The following PBX1 variants were observed in gnomAD, a reference collection of about 807,000 sequenced individuals.
PBX1 encodes the protein PBX homeobox 1.
In PBX1, 6 loss-of-function variants were observed where a neutral mutation model predicts 53.4. The observed-to-expected ratio is 0.11, with a 90% CI of 0.06 to 0.22. PBX1 has a LOEUF of 0.22. Among genes scored for constraint, PBX1 ranks in the 10% least tolerant of loss-of-function variants. The pLI is 1.00. For missense variants in PBX1, 251 were observed against 551.4 expected, an observed-to-expected ratio of 0.46 and a Z score of 5.46; for synonymous variants, 204 against 212.3, an observed-to-expected ratio of 0.96 and a Z score of 0.34.
chr1:164,617,392 G>T (rs887540075), intron 2 of PBX1, among the ~76,000 whole-genome samples: 2 of 152,228 alleles, frequency 1.3e-5, no homozygotes, highest in Non-Finnish European at 2.9e-5. Context: ...ATGGATGGTG[G>T]TTCAGTAATG....
At chr1:164,607,884 C>T (rs1656664947) in intron 2 of PBX1, among the ~76,000 whole-genome samples, 1 of 152,196 alleles carries the variant, frequency 6.6e-6, no homozygotes, top group East Asian at 1.9e-4. Context: ...CAGCCTTCCT[C>T]TGGGCTCTTA....
At chr1:164,683,444 A>T (rs1364534797) in intron 2 of PBX1, 1 of 152,196 alleles carries the variant, frequency 6.6e-6, no homozygotes, top group Non-Finnish European at 1.5e-5. Flanking sequence ...AGCCAGGTAC[A>T]TGTCATTAAT....
chr1:164,633,116 C>T (rs901084756), intron 2 of PBX1, among the ~76,000 whole-genome samples: 1 of 151,998 alleles, frequency 6.6e-6, no homozygotes, highest in African/African-American at 2.4e-5. Flanking sequence ...ATGTTACTGA[C>T]TTCTTTTCTT....
At chr1:164,827,805 C>T (rs2102381150) in intron 8 of PBX1, among the ~76,000 whole-genome samples, 1 of 152,308 alleles carries the variant, frequency 6.6e-6, no homozygotes, top group South Asian at 2.1e-4. Flanking sequence ...TTCATTTATT[C>T]ATTTGCTTAT....
At chr1:164,583,292 A>AG (rs1376915256) in intron 2 of PBX1, among the ~76,000 whole-genome samples, 3 of 152,148 alleles carry the variant, frequency 2.0e-5, no homozygotes, top group South Asian at 4.1e-4. Flanking sequence ...GGAAAAAAAA[A>AG]AAAAGAATAA....
intron 2 of PBX1, chr1:164,682,432 C>G (rs769745737): frequency 7.2e-5 from 11 of 152,146 alleles, no homozygotes; most frequent in Non-Finnish European, 1.2e-4. Context: ...AATGCCAGCA[C>G]TGTTCTTTGT....
At chr1:164,782,114 G>T (rs1247634808) in intron 2 of PBX1, among the ~76,000 whole-genome samples, 2 of 152,150 alleles carry the variant, frequency 1.3e-5, no homozygotes, top group Admixed American at 6.5e-5. Flanking sequence ...AAGATGACTG[G>T]TGGGCTGGTC....
intron 2 of PBX1, among the ~76,000 whole-genome samples, chr1:164,866,134 A>G (rs1189771207): frequency 6.6e-6 from 1 of 152,208 alleles, no homozygotes; most frequent in African/African-American, 2.4e-5. Flanking sequence ...TTTTAAATCT[A>G]TGTTTTAAAA....
At chr1:164,631,737 T>C (rs990683359) in intron 2 of PBX1, among the ~76,000 whole-genome samples, 2 of 152,234 alleles carry the variant, frequency 1.3e-5, no homozygotes, top group African/African-American at 2.4e-5. Context: ...CAGCAATTAA[T>C]GTGCATATGA....
chr1:164,794,462 G>A (rs989578421), intron 3 of PBX1, among the ~76,000 whole-genome samples: 1 of 152,164 alleles, frequency 6.6e-6, no homozygotes, highest in African/African-American at 2.4e-5. Flanking sequence ...AAGGTGTAGG[G>A]AGGGTGAAGG....
At chr1:164,576,143 T>C (rs1571251388) in intron 2 of PBX1, among the ~76,000 whole-genome samples, 1 of 152,056 alleles carries the variant, frequency 6.6e-6, no homozygotes, top group South Asian at 2.1e-4. Flanking sequence ...CAAGAAACAG[T>C]GGAGAAGCCC....
At chr1:164,712,218 C>T (rs973919604) in intron 2 of PBX1, among the ~76,000 whole-genome samples, 1 of 151,132 alleles carries the variant, frequency 6.6e-6, no homozygotes, top group Non-Finnish European at 1.5e-5. Context: ...TCGGGCAGCT[C>T]TCTGTCTGCT....
chr1:164,852,613 T>G (rs2102432815), downstream of PBX1, among the ~76,000 whole-genome samples: 1 of 152,340 alleles, frequency 6.6e-6, no homozygotes, highest in Admixed American at 6.5e-5. Flanking sequence ...GCTGTAGCTC[T>G]CCTATGAGGC....
intron 2 of PBX1, among the ~76,000 whole-genome samples, chr1:164,614,132 T>A (rs1253121255): frequency 6.6e-6 from 1 of 152,172 alleles, no homozygotes; most frequent in African/African-American, 2.4e-5. Flanking sequence ...ACAATTCCGT[T>A]CTTCCTTATG....
At chr1:164,651,409 G>A (rs748936588) in intron 2 of PBX1, among the ~76,000 whole-genome samples, 5 of 151,964 alleles carry the variant, frequency 3.3e-5, no homozygotes, top group Non-Finnish European at 5.9e-5. Flanking sequence ...TTCATCTCGC[G>A]TGGTGGCTGT....
intron 2 of PBX1, among the ~76,000 whole-genome samples, chr1:164,874,815 TCAATCCACACTCA>T (rs780647251): frequency 2.0e-5 from 3 of 152,142 alleles, no homozygotes; most frequent in Non-Finnish European, 4.4e-5. Flanking sequence ...TTTTTACACA[TCAATCCACACTCA>T]CAATCATCTT....
chr1:164,609,895 G>A (rs944559965), intron 2 of PBX1, among the ~76,000 whole-genome samples: 2 of 152,100 alleles, frequency 1.3e-5, no homozygotes, highest in Non-Finnish European at 1.5e-5. Context: ...AGGAGAGTTG[G>A]AAAACTCATG....
chr1:164,688,828 G>A (rs1247402327), intron 2 of PBX1, among the ~76,000 whole-genome samples: 1 of 152,150 alleles, frequency 6.6e-6, no homozygotes, highest in African/African-American at 2.4e-5. Flanking sequence ...ACTCTTCTTT[G>A]CACACAGCCT....
rs541824459 is a variant in PBX1, at chr1:164,663,407, TG to T, written c.265+100097del. On this transcript the variant is annotated intron_variant, in intron 2 of 8. Transcript: ENST00000420696. ...AGAGTAGAAAGTATCTTAGTAGGAT[TG>T]CTTCTCCCTATGGTACAACATGATG... 1.1e-3 allele frequency among the ~76,000 whole-genome samples: 169 copies of T among 152,288 alleles called. 2 individuals carry two copies. Among genetic ancestry groups the T allele is most frequent in the African/African-American group, 3.9e-3 (161 of 41,580 alleles).
Sources: gnomAD v4.1 joint callset for allele counts (sites outside exome capture counted in the v4.1 genomes callset) on GRCh38, gnomAD v4.1.1 for gene constraint, MANE v1.5 for transcripts, NCBI Gene and HGNC (gene_info 2026-07-23, HGNC 2026-07-21) for gene names.